Variants in CFI observed in about 807,000 individuals in gnomAD.
CFI encodes complement factor I, also known as C3B/C4B inactivator.
CFI carries 66 observed loss-of-function variants against 78.8 expected under a neutral mutation model. The ratio of observed to expected loss-of-function variants is 0.84; its 90% CI spans 0.69 to 1.03. The LOEUF is 1.03. CFI is among the 50% of genes least tolerant of loss of function. CFI has a pLI of 0.00. For synonymous variants in CFI, 250 were observed against 232.6 expected (o/e 1.07, Z -0.68); for missense variants, 706 against 704.5 (o/e 1.00, Z -0.02).
chr4:109,801,813 G>A (rs1732797221), intron 1 of CFI, 102 bp downstream of exon 1: 3 of 764,402 alleles, frequency 3.9e-6, no homozygotes, highest in Non-Finnish European at 6.6e-6. Flanking sequence ...ACTGAACTAT[G>A]TAATATTTAA....
chr4:109,746,546 T>C, intron 10 of CFI, 44 bp from the exon 11 acceptor site: 1 of 1,439,750 alleles, frequency 6.9e-7, no homozygotes, highest in Non-Finnish European at 9.4e-7. Context: ...TGAGAAAAAA[T>C]ATAAATAGGA....
chr4:109,785,018 C>G (rs551074989), intron 1 of CFI, among the ~76,000 whole-genome samples: 1 of 152,176 alleles, frequency 6.6e-6, no homozygotes, highest in South Asian at 2.1e-4. Context: ...GATATTCACC[C>G]CCGCAAGAAG....
intron 12 of CFI, chr4:109,741,468 G>T: frequency 2.0e-6 from 1 of 489,420 alleles, no homozygotes; most frequent in Non-Finnish European, 2.7e-6. Flanking sequence ...GTCATTCATT[G>T]TCTTCATTCT....
In CFI at chr4:109,741,027, C is replaced by T; in HGVS notation, c.1618G>A (p.Val540Ile). 1 of 1,614,210 alleles carries T rather than the reference C, an allele frequency of 6.2e-7. No individual in the cohort carries two copies. Among genetic ancestry groups the T allele is most frequent in the Non-Finnish European group, 8.5e-7 (1 of 1,180,018 alleles). ...TCCCCCCAACTCACAACACCCCAGA[C>T]ATAAGTCACATTGTTGGCATCCATA... is the stretch of plus-strand genomic sequence containing the variant. ...VCMDANNVTYVWGVVSWGENC... is the reference protein window; with the variant it reads ...VCMDANNVTYIWGVVSWGENC... The change falls in exon 13 of 13, where the codon GTC (valine) becomes ATC (isoleucine). Residue 540 changes from valine to isoleucine, a missense_variant. Physicochemically the swap from Val to Ile is conservative, Grantham distance 29. Coordinates refer to ENST00000394634, the MANE Select transcript of CFI (RefSeq NM_000204.5).
intron 7 of CFI, among the ~76,000 whole-genome samples, chr4:109,755,645 G>A (rs1726042440): frequency 3.9e-5 from 6 of 152,132 alleles, no homozygotes; most frequent in Admixed American, 3.3e-4. Flanking sequence ...CCTGCCATGG[G>A]TGATGGAGCA....
At chr4:109,783,327 A>C (rs1469529821) in intron 1 of CFI, among the ~76,000 whole-genome samples, 1 of 152,042 alleles carries the variant, frequency 6.6e-6, no homozygotes, top group Admixed American at 6.6e-5. Context: ...CATACAAATC[A>C]GTAAGAAAAA....
the CFI span, among the ~76,000 whole-genome samples, chr4:109,733,754 C>T: frequency 2.6e-5 from 4 of 152,054 alleles, no homozygotes; most frequent in South Asian, 8.3e-4. Flanking sequence ...GAGGGTTTTG[C>T]GGGAAAATTT....
At chr4:109,797,515 G>C (rs1265598435) in intron 1 of CFI, among the ~76,000 whole-genome samples, 1 of 152,068 alleles carries the variant, frequency 6.6e-6, no homozygotes, top group Admixed American at 6.6e-5. Context: ...ATTAGTCTTG[G>C]CAATAATATC....
At chr4:109,779,637 A>G (rs901418511) in intron 1 of CFI, among the ~76,000 whole-genome samples, 1 of 152,192 alleles carries the variant, frequency 6.6e-6, no homozygotes, top group Non-Finnish European at 1.5e-5. Flanking sequence ...AAACTACTTT[A>G]AAGTTCATAT....
At chr4:109,765,383 C>A (rs1208849341) in intron 2 of CFI, among the ~76,000 whole-genome samples, 1 of 152,202 alleles carries the variant, frequency 6.6e-6, no homozygotes, top group Non-Finnish European at 1.5e-5. Context: ...TGAACCTAAG[C>A]TTTGCTGTCA....
At chr4:109,768,803 A>C (rs1728191195) in intron 1 of CFI, among the ~76,000 whole-genome samples, 1 of 152,244 alleles carries the variant, frequency 6.6e-6, no homozygotes, top group South Asian at 2.1e-4. Context: ...TAAGAAGGCA[A>C]ATAAGCTAAT....
At chr4:109,780,754 C>A (rs1162369605) in intron 1 of CFI, among the ~76,000 whole-genome samples, 1 of 152,176 alleles carries the variant, frequency 6.6e-6, no homozygotes, top group African/African-American at 2.4e-5. Context: ...ACCCAACTGT[C>A]CATCAATGAT....
chr4:109,784,610 T>A (rs942947923), intron 1 of CFI, among the ~76,000 whole-genome samples: 1 of 152,124 alleles, frequency 6.6e-6, no homozygotes, highest in Non-Finnish European at 1.5e-5. Context: ...TCTACACTTC[T>A]AGCATCAGTA....
intron 1 of CFI, among the ~76,000 whole-genome samples, chr4:109,780,248 C>G (rs1004798936): frequency 3.3e-5 from 5 of 152,158 alleles, no homozygotes; most frequent in African/African-American, 1.2e-4. Context: ...ATCTACCCAT[C>G]TGACGACAGG....
At chr4:109,766,919 C>T (rs578034202) in intron 1 of CFI, 95 bp from the exon 2 acceptor site, 10 of 1,232,172 alleles carry the variant, frequency 8.1e-6, no homozygotes, top group Admixed American at 3.6e-5. Context: ...CAGATACAGC[C>T]CACAGTACAG....
intron 10 of CFI, 125 bp downstream of exon 10, chr4:109,749,093 C>A (rs1405525829): frequency 2.2e-6 from 2 of 905,972 alleles, no homozygotes; most frequent in Middle Eastern, 2.2e-4. Flanking sequence ...CCAGAGGATA[C>A]TTTGCAATTA....
In CFI at chr4:109,760,286, A is replaced by G; in HGVS notation, c.867T>C (p.Asp289=). Residue 289 remains aspartate, a synonymous_variant, in exon 6 of 13, where the codon GAT becomes GAC. Transcript: ENST00000394634. ...TTCAATTACCTGCACAGCCAACTTC[A>G]TCTTCCCCTGTAATGCAGTCCACCT... ...NGEVDCITGE[D]EVGCAGFASV... 6.2e-7 allele frequency: 1 copy of G among 1,613,704 alleles called. No homozygotes were observed.
intron 1 of CFI, among the ~76,000 whole-genome samples, chr4:109,775,211 C>T (rs1000486809): frequency 3.3e-5 from 5 of 151,998 alleles, no homozygotes; most frequent in Non-Finnish European, 4.4e-5. Flanking sequence ...ATCGCCTCAC[C>T]CGGGAAGTGC....
chr4:109,792,276 A>G (rs1731475524), intron 1 of CFI, among the ~76,000 whole-genome samples: 1 of 151,990 alleles, frequency 6.6e-6, no homozygotes, highest in African/African-American at 2.4e-5. Flanking sequence ...TCCAACTATT[A>G]TTATATTATT....
Sources: allele counts gnomAD v4.1 joint callset (sites outside exome capture counted in the v4.1 genomes callset), GRCh38; gene constraint gnomAD v4.1.1; transcripts MANE v1.5; gene names NCBI Gene and HGNC (gene_info 2026-07-23, HGNC 2026-07-21).